BTF3: variants seen among roughly 807,000 people sequenced by gnomAD.
The protein encoded by BTF3 is transcription factor BTF3.
BTF3 carries 12 observed loss-of-function variants against 23.9 expected under a neutral mutation model. That is an observed-to-expected ratio of 0.50 (90% CI 0.32 to 0.81). The LOEUF (loss-of-function observed/expected upper bound fraction) is 0.81. Ranked by LOEUF, BTF3 falls within the 40% of genes least tolerant of loss-of-function variation. The probability of loss-of-function intolerance (pLI) is 0.03; values close to 1 mark genes in which losing one functional copy is unlikely to be tolerated. For missense variants in BTF3, 215 were observed against 255.9 expected, an observed-to-expected ratio of 0.84 and a Z score of 1.09; for synonymous variants, 96 against 94.8, an observed-to-expected ratio of 1.01 and a Z score of -0.07.
intron 2 of BTF3, among the ~76,000 whole-genome samples, chr5:73,501,142 C>T (rs980538434): frequency 6.6e-6 from 1 of 152,054 alleles, no homozygotes; most frequent in Non-Finnish European, 1.5e-5. Context: ...GAAGCATTTT[C>T]AAAATCTAGA....
chr5:73,501,152 A>G (rs926658432), intron 2 of BTF3, among the ~76,000 whole-genome samples: 2 of 152,162 alleles, frequency 1.3e-5, no homozygotes, highest in African/African-American at 2.4e-5. Context: ...CAAAATCTAG[A>G]GATGGGAATG....
At chr5:73,503,401 T>C (rs767339145) in intron 4 of BTF3, among the ~76,000 whole-genome samples, 1 of 152,226 alleles carries the variant, frequency 6.6e-6, no homozygotes, top group Non-Finnish European at 1.5e-5. Flanking sequence ...TTTGGTGCTT[T>C]GCCAATAACT....
At chr5:73,501,827 T>C (rs911911663) in intron 2 of BTF3, among the ~76,000 whole-genome samples, 2 of 152,194 alleles carry the variant, frequency 1.3e-5, no homozygotes, top group African/African-American at 4.8e-5. Context: ...CCATACACTG[T>C]CTTGCCTGTA....
chr5:73,503,757 G>C (rs1380840506), intron 4 of BTF3, among the ~76,000 whole-genome samples: 1 of 152,156 alleles, frequency 6.6e-6, no homozygotes, highest in East Asian at 1.9e-4. Flanking sequence ...TTGAGTTGCA[G>C]GTTCTAAACT....
rs771716746 is a variant in BTF3, at chr5:73,505,417, C to A, written c.*179C>A. On this transcript the variant is annotated 3_prime_UTR_variant, in exon 6 of 6. Coordinates refer to ENST00000380591, the MANE Select transcript of BTF3 (RefSeq NM_001037637.2). ...TTTCAGTTTTTGCTTATACACAATTCATTCTTTGCAGCTAATTAAGCCGAA... is the reference window on the plus strand; with the variant it reads ...TTTCAGTTTTTGCTTATACACAATTAATTCTTTGCAGCTAATTAAGCCGAA... 3.0e-5 allele frequency: 15 copies of A among 506,500 alleles called. No homozygotes were observed. The highest frequency in any genetic ancestry group is 4.5e-5 in the Non-Finnish European group (13 of 291,686). 31.4% of individuals were successfully genotyped at this position (506,500 alleles called of 1,614,324 possible).
At chr5:73,504,264 G>GTTCTTTTTTTTT in intron 4 of BTF3, 83 bp from the exon 5 acceptor site, 1 of 404,648 alleles carries the variant, frequency 2.5e-6, no homozygotes, top group Non-Finnish European at 3.6e-6. Flanking sequence ...CATTTCATCT[G>GTTCTTTTTTTTT]TTCTTTTTTT....
chr5:73,502,178 A>C (rs1420928935), intron 2 of BTF3, among the ~76,000 whole-genome samples: 1 of 150,616 alleles, frequency 6.6e-6, no homozygotes, highest in East Asian at 1.9e-4. Flanking sequence ...AAAAAAAAAA[A>C]ACAGAAGAGG....
At chr5:73,502,101 T>TTGC (rs1372445111) in intron 2 of BTF3, among the ~76,000 whole-genome samples, 1 of 148,080 alleles carries the variant, frequency 6.8e-6, no homozygotes, top group Non-Finnish European at 1.5e-5. Context: ...GAGGCGGAGG[T>TTGC]TGCAGTGAGC....
Position 73,499,119 on chromosome 5 carries a change from T to A in BTF3, c.133-15T>A. 6.2e-7 allele frequency: 1 copy of A among 1,605,120 alleles called. No homozygotes were observed. Among genetic ancestry groups the A allele is most frequent in the Non-Finnish European group, 8.5e-7 (1 of 1,177,826 alleles). The stretch of plus-strand genomic sequence containing the variant: ...AGCTAAACCTATCCTTGCTGAGGAT[T>A]TCCTCTTTTTCTAGATGAAAGAAAC... On this transcript the variant is annotated splice_polypyrimidine_tract_variant and intron_variant, in intron 1 of 5. Transcript: ENST00000380591.
intron 5 of BTF3, 31 bp downstream of exon 5, chr5:73,504,434 G>A: frequency 6.4e-7 from 1 of 1,573,280 alleles, no homozygotes; most frequent in Non-Finnish European, 8.7e-7. Flanking sequence ...TTAACCTAGA[G>A]AATCTTAGCA....
At chr5:73,505,079 C>T in intron 5 of BTF3, 113 bp from the exon 6 acceptor site, 1 of 793,130 alleles carries the variant, frequency 1.3e-6, no homozygotes, top group Admixed American at 2.5e-5. Flanking sequence ...GGCTATGACA[C>T]AGTATTTATC....
chr5:73,499,224 T>A, intron 2 of BTF3, 22 bp downstream of exon 2: 1 of 1,602,942 alleles, frequency 6.2e-7, no homozygotes, highest in African/African-American at 1.5e-5. Context: ...TAGTTCGGGT[T>A]TGTGGGTTTT....
In BTF3 at chr5:73,502,589, T is replaced by C. The variant is rs778574926; in HGVS notation, c.303T>C (p.Ser101=). ...AGAAGTTAGGGGTAAACAATATCTC[T>C]GGTATTGAAGAGGCAAGTATCAAAT... The part of the protein sequence containing the change: ...SLKKLGVNNI[S]GIEEVNMFTN... Residue 101 remains serine (S), a synonymous_variant, in exon 3 of 6, where the codon TCT becomes TCC. Coordinates refer to ENST00000380591, the MANE Select transcript of BTF3 (RefSeq NM_001037637.2). The C allele has an allele frequency of 2.8e-5, 45 of 1,596,474 alleles. No individual in the cohort carries two copies. The highest frequency in any genetic ancestry group is 3.6e-5 in the Admixed American group (2 of 55,342).
intron 4 of BTF3, among the ~76,000 whole-genome samples, chr5:73,504,053 A>G (rs573622899): frequency 6.6e-6 from 1 of 152,268 alleles, no homozygotes; most frequent in East Asian, 1.9e-4. Flanking sequence ...CCTGCACTCT[A>G]AGAGTTCCCT....
At chr5:73,501,080 CTT>C (rs1356867823) in intron 2 of BTF3, among the ~76,000 whole-genome samples, 2 of 152,086 alleles carry the variant, frequency 1.3e-5, no homozygotes, top group African/African-American at 4.8e-5. Flanking sequence ...CGATAATTGT[CTT>C]TTCTTAAAAA....
At chr5:73,498,987 A>T in intron 1 of BTF3, 147 bp from the exon 2 acceptor site, 3 of 1,248,662 alleles carry the variant, frequency 2.4e-6, no homozygotes, top group Non-Finnish European at 3.3e-6. Context: ...TGGAAACCCA[A>T]ATTTGGAGCT....
At chr5:73,504,267 CTTTTTTTTTTTTTTT>C in intron 4 of BTF3, 65 bp from the exon 5 acceptor site, 3 of 122,774 alleles carry the variant, frequency 2.4e-5, no homozygotes, top group Admixed American at 1.6e-4. Context: ...TTCATCTGTT[CTTTTTTTTTTTTTTT>C]TTTTTTTTTT....
At chr5:73,504,862 T>G in intron 5 of BTF3, 1 of 234,194 alleles carries the variant, frequency 4.3e-6, no homozygotes, top group Non-Finnish European at 8.1e-6. Context: ...TTTACGTTCT[T>G]CTAAAATATT....
At chr5:73,502,760 A>G in intron 3 of BTF3, 156 bp from the exon 4 acceptor site, 1 of 854,868 alleles carries the variant, frequency 1.2e-6, no homozygotes, top group South Asian at 1.8e-5. Flanking sequence ...GGAGCTCATT[A>G]AGTCTGAATG....
Sources: gnomAD v4.1 joint callset for allele counts (sites outside exome capture counted in the v4.1 genomes callset) on GRCh38, gnomAD v4.1.1 for gene constraint, MANE v1.5 for transcripts, NCBI Gene and HGNC (gene_info 2026-07-23, HGNC 2026-07-21) for gene names.